The following TMEM117 variants were observed in gnomAD, a reference collection of about 807,000 sequenced individuals.
TMEM117 encodes transmembrane protein 117.
In TMEM117, 27 loss-of-function variants were observed where a neutral mutation model predicts 52.4. The observed-to-expected ratio is 0.51, with a 90% CI of 0.38 to 0.71. TMEM117 has a LOEUF of 0.71. TMEM117 is among the 30% of genes least tolerant of loss of function. TMEM117 has a pLI of 0.00. For synonymous variants in TMEM117, 215 were observed against 206.3 expected, an observed-to-expected ratio of 1.04 and a Z score of -0.36; for missense variants, 556 against 630.5, an observed-to-expected ratio of 0.88 and a Z score of 1.26.
rs59133380 is a variant in TMEM117, at chr12:44,341,680, A to G, written c.769-34915A>G. Reference sequence around the variant, plus strand: ...CTAGAACATGTTAGGAGAGACAACCATGGCATGGGAGAATTTGCAGTCACA... The same window carrying G: ...CTAGAACATGTTAGGAGAGACAACCGTGGCATGGGAGAATTTGCAGTCACA... On this transcript the variant is annotated intron_variant, in intron 6 of 7. Coordinates refer to ENST00000266534, the MANE Select transcript of TMEM117 (RefSeq NM_032256.3). Among the ~76,000 whole-genome samples the G allele has an allele frequency of 6.0e-3, 911 of 152,254 alleles. 12 individuals carry two copies. The highest frequency in any genetic ancestry group is 0.02 in the African/African-American group (825 of 41,558).
At chr12:43,846,202 G>C (rs565451620) in intron 2 of TMEM117, among the ~76,000 whole-genome samples, 17 of 151,944 alleles carry the variant, frequency 1.1e-4, no homozygotes, top group Non-Finnish European at 2.4e-4. Flanking sequence ...CAGAAGAAGA[G>C]ACTAAATTAG....
At chr12:43,934,722 G>T (rs763850114) in intron 2 of TMEM117, among the ~76,000 whole-genome samples, 1 of 152,034 alleles carries the variant, frequency 6.6e-6, no homozygotes, top group Non-Finnish European at 1.5e-5. Context: ...GACATTTCTT[G>T]AGTATGCTCC....
chr12:43,796,367 T>C, the TMEM117 span, among the ~76,000 whole-genome samples: 2 of 152,124 alleles, frequency 1.3e-5, no homozygotes, highest in Non-Finnish European at 1.5e-5. Flanking sequence ...TGGTAGTTTT[T>C]AAGGACCTGT....
At chr12:44,137,270 G>A (rs779635846) in intron 3 of TMEM117, among the ~76,000 whole-genome samples, 3 of 152,090 alleles carry the variant, frequency 2.0e-5, no homozygotes, top group Non-Finnish European at 4.4e-5. Context: ...AGTAATGGCA[G>A]TAGGTTTCTC....
At chr12:43,822,190 C>T in the TMEM117 span, among the ~76,000 whole-genome samples, 8 of 152,300 alleles carry the variant, frequency 5.3e-5, no homozygotes, top group Non-Finnish European at 7.3e-5. Flanking sequence ...GACTTCAATG[C>T]GAGATTGGCT....
chr12:44,362,858 G>A (rs566590052), intron 6 of TMEM117, among the ~76,000 whole-genome samples: 2 of 148,132 alleles, frequency 1.4e-5, no homozygotes, highest in African/African-American at 5.0e-5. Context: ...TTTTTTGGTT[G>A]GTTGCTTGTT....
chr12:43,914,163 G>A (rs1306793832), intron 2 of TMEM117, among the ~76,000 whole-genome samples: 3 of 152,052 alleles, frequency 2.0e-5, no homozygotes, highest in East Asian at 1.9e-4. Context: ...TGGGAGAGTC[G>A]GGGGACATGC....
At chr12:44,061,526 G>GTT (rs111799503) in intron 3 of TMEM117, among the ~76,000 whole-genome samples, 14,518 of 152,036 alleles carry the variant, frequency 0.095, 1,094 homozygotes, top group African/African-American at 0.2. Context: ...AAGGAGATGT[G>GTT]TTTAATGGGG....
chr12:44,007,827 A>T (rs968863280), intron 3 of TMEM117, among the ~76,000 whole-genome samples: 1 of 152,060 alleles, frequency 6.6e-6, no homozygotes, highest in Non-Finnish European at 1.5e-5. Flanking sequence ...CTTTTTGTCT[A>T]CTGCCATCCA....
intron 3 of TMEM117, among the ~76,000 whole-genome samples, chr12:44,107,204 G>A (rs1463128306): frequency 6.6e-6 from 1 of 152,040 alleles, no homozygotes; most frequent in Non-Finnish European, 1.5e-5. Context: ...GAAAATTGAA[G>A]TTAAAAATTA....
chr12:44,040,492 A>G (rs1175735116), intron 3 of TMEM117, among the ~76,000 whole-genome samples: 1 of 152,136 alleles, frequency 6.6e-6, no homozygotes, highest in Non-Finnish European at 1.5e-5. Context: ...TTGTTCTTAC[A>G]TCTGGCAAAC....
chr12:44,314,558 TTTC>T (rs1951030791), intron 6 of TMEM117, among the ~76,000 whole-genome samples: 2 of 146,684 alleles, frequency 1.4e-5, no homozygotes, highest in South Asian at 2.1e-4. Context: ...TGGCCTGTAG[TTTC>T]TTCTTCTTTT....
intron 3 of TMEM117, among the ~76,000 whole-genome samples, chr12:44,072,094 A>G (rs1947310692): frequency 6.6e-6 from 1 of 152,212 alleles, no homozygotes; most frequent in African/African-American, 2.4e-5. Flanking sequence ...CTCACTAATA[A>G]AGATAAACAA....
chr12:44,009,886 A>G (rs1038782783), intron 3 of TMEM117: 1 of 266,012 alleles, frequency 3.8e-6, no homozygotes. Context: ...TCCAAGATCT[A>G]CTCTTTTGGG....
At chr12:43,801,604 T>G in the TMEM117 span, among the ~76,000 whole-genome samples, 1 of 152,208 alleles carries the variant, frequency 6.6e-6, no homozygotes, top group African/African-American at 2.4e-5. Context: ...ATGGTAGCGA[T>G]TAATAAATGT....
intron 3 of TMEM117, among the ~76,000 whole-genome samples, chr12:44,017,073 G>T (rs540985648): frequency 6.6e-6 from 1 of 152,214 alleles, no homozygotes; most frequent in East Asian, 1.9e-4. Context: ...TATCACCAAG[G>T]AGATGGGAAA....
chr12:44,301,128 C>T (rs1293183138), intron 6 of TMEM117, among the ~76,000 whole-genome samples: 1 of 152,138 alleles, frequency 6.6e-6, no homozygotes, highest in Non-Finnish European at 1.5e-5. Context: ...ATTGAATTTG[C>T]TTACATTCAT....
intron 6 of TMEM117, among the ~76,000 whole-genome samples, chr12:44,360,152 A>G (rs1951701301): frequency 6.6e-6 from 1 of 152,176 alleles, no homozygotes; most frequent in African/African-American, 2.4e-5. Context: ...CTAAAGCCCC[A>G]TTTTAAGAAA....
intron 5 of TMEM117, among the ~76,000 whole-genome samples, chr12:44,248,136 A>G (rs79973901): frequency 0.07 from 10,632 of 152,034 alleles, 1,111 homozygotes; most frequent in African/African-American, 0.23. Flanking sequence ...ACTCCTCTCA[A>G]TCGTGTGGTT....
Sources: allele counts gnomAD v4.1 joint callset (sites outside exome capture counted in the v4.1 genomes callset), GRCh38; gene constraint gnomAD v4.1.1; transcripts MANE v1.5; gene names NCBI Gene and HGNC (gene_info 2026-07-23, HGNC 2026-07-21).